Variants in RXFP1 observed in about 807,000 individuals in gnomAD.
RXFP1 encodes relaxin receptor 1.
In RXFP1, 73 loss-of-function variants were observed where a neutral mutation model predicts 89.8. That is an observed-to-expected ratio of 0.81 (90% CI 0.67 to 0.99). The LOEUF is 0.99. Ranked by LOEUF, RXFP1 falls within the 50% of genes least tolerant of loss-of-function variation. The pLI, the probability that RXFP1 is intolerant of heterozygous loss-of-function variation, is 0.00. For synonymous variants in RXFP1, 277 were observed against 305.5 expected (o/e 0.91, Z 0.97); for missense variants, 793 against 895.5 (o/e 0.89, Z 1.46).
chr4:158,649,178 G>A (rs1376948341), intron 17 of RXFP1, among the ~76,000 whole-genome samples: 1 of 152,080 alleles, frequency 6.6e-6, no homozygotes, highest in Non-Finnish European at 1.5e-5. Context: ...ACATTTACTG[G>A]GGAAGAACTG....
chr4:158,603,298 T>A (rs1762020557), intron 4 of RXFP1, among the ~76,000 whole-genome samples: 1 of 152,166 alleles, frequency 6.6e-6, no homozygotes, highest in Non-Finnish European at 1.5e-5. Context: ...AAACAGGATA[T>A]AAGCAGAATT....
chr4:158,596,210 T>C (rs1017765181), intron 3 of RXFP1, among the ~76,000 whole-genome samples: 2 of 151,922 alleles, frequency 1.3e-5, no homozygotes, highest in African/African-American at 4.8e-5. Context: ...TTAAGCCATG[T>C]TGTCTCAAAA....
intron 4 of RXFP1, 55 bp downstream of exon 4, chr4:158,599,486 T>A: frequency 7.4e-7 from 1 of 1,357,980 alleles, no homozygotes. Flanking sequence ...TGTAAAATTG[T>A]ATTATAATTA....
intron 10 of RXFP1, among the ~76,000 whole-genome samples, chr4:158,627,317 A>G (rs1234499991): frequency 1.3e-5 from 2 of 152,152 alleles, no homozygotes; most frequent in Non-Finnish European, 2.9e-5. Context: ...CAACTCTCCT[A>G]TTCACAGCTT....
intron 1 of RXFP1, among the ~76,000 whole-genome samples, chr4:158,565,054 G>A (rs1231593062): frequency 6.6e-6 from 1 of 152,166 alleles, no homozygotes; most frequent in Non-Finnish European, 1.5e-5. Flanking sequence ...GGGGTGAGAA[G>A]GGCATCCTTA....
At chr4:158,593,570 C>G in intron 3 of RXFP1, 71 bp downstream of exon 3, 1 of 780,056 alleles carries the variant, frequency 1.3e-6, no homozygotes, top group Non-Finnish European at 1.9e-6. Flanking sequence ...TTTGATTCAA[C>G]ATTTTAAAAA....
intron 12 of RXFP1, among the ~76,000 whole-genome samples, chr4:158,635,916 C>CT (rs1261842430): frequency 6.6e-6 from 1 of 151,970 alleles, no homozygotes; most frequent in Non-Finnish European, 1.5e-5. Flanking sequence ...TCATATTGGA[C>CT]TTCAAGGCTC....
At position 158,652,184 on chromosome 4, in the gene RXFP1, G is replaced by C; in HGVS notation, c.*129G>C. 1 of 745,064 alleles carries C rather than the reference G, an allele frequency of 1.3e-6. No individual in the cohort carries two copies. 46.2% of individuals were successfully genotyped at this position (745,064 alleles called of 1,614,324 possible). On this transcript the variant is annotated 3_prime_UTR_variant, in exon 18 of 18. Coordinates refer to ENST00000307765, the MANE Select transcript of RXFP1 (RefSeq NM_021634.4). The stretch of plus-strand genomic sequence containing the variant: ...TAAGATAAATATTTTACAAGGACAT[G>C]AGGAAAAATAAAAATGACTAATGCT...
intron 1 of RXFP1, among the ~76,000 whole-genome samples, chr4:158,526,539 G>T (rs888929775): frequency 6.6e-6 from 1 of 152,086 alleles, no homozygotes; most frequent in Admixed American, 6.6e-5. Flanking sequence ...TTTAGGTTTT[G>T]TTCTCTATCA....
At chr4:158,569,456 C>A (rs907100191) in intron 1 of RXFP1, among the ~76,000 whole-genome samples, 1 of 152,186 alleles carries the variant, frequency 6.6e-6, no homozygotes, top group Non-Finnish European at 1.5e-5. Flanking sequence ...AGTGTAGGTT[C>A]ATCAACTGCA....
At chr4:158,529,185 A>G (rs1395517498) in intron 1 of RXFP1, among the ~76,000 whole-genome samples, 1 of 151,638 alleles carries the variant, frequency 6.6e-6, no homozygotes, top group Non-Finnish European at 1.5e-5. Flanking sequence ...CATAAATCCC[A>G]CACTGGTCAT....
intron 3 of RXFP1, 124 bp from the exon 4 acceptor site, chr4:158,599,202 C>T (rs755540601): frequency 8.1e-6 from 12 of 1,481,032 alleles, no homozygotes; most frequent in African/African-American, 2.8e-5. Context: ...AAATTGCCTA[C>T]GTAGCACATG....
At chr4:158,528,078 A>C (rs1045937704) in intron 1 of RXFP1, among the ~76,000 whole-genome samples, 4 of 152,228 alleles carry the variant, frequency 2.6e-5, no homozygotes, top group African/African-American at 9.6e-5. Flanking sequence ...CCCTCTTCAC[A>C]TACCTACCTT....
chr4:158,624,030 T>G (rs1309791388), intron 9 of RXFP1, among the ~76,000 whole-genome samples: 1 of 152,162 alleles, frequency 6.6e-6, no homozygotes, highest in African/African-American at 2.4e-5. Flanking sequence ...ATTTATGCTA[T>G]TATAGATGGG....
rs1374987625 is a variant in RXFP1 at position 158,567,663 on chromosome 4, C to G, written c.50-5035C>G. Among the ~76,000 whole-genome samples the G allele has an allele frequency of 2.6e-5, 4 of 152,022 alleles. No individual in the cohort carries two copies. In the East Asian group the frequency reaches 7.7e-4, roughly 29 times the overall value. On this transcript the variant is annotated intron_variant, in intron 1 of 17. Coordinates refer to ENST00000307765, the MANE Select transcript of RXFP1 (RefSeq NM_021634.4). ...TCTAGCTCAGGGTTTGTAAATACAC[C>G]AATTGGTACTCTGTATCTAGCTAAT... is the stretch of plus-strand genomic sequence containing the variant.
Position 158,562,523 on chromosome 4 carries a change from C to CAAAAAAAAAAAA in RXFP1, c.50-10158_50-10147dup, listed in dbSNP as rs55944906. On this transcript the variant is annotated intron_variant, in intron 1 of 17. Transcript: ENST00000307765. ...TGGGCGACAGAGCGAGACTCCGTCTCAAAAAAAAAAAAAAAAAAAAAAAAA... is the reference window on the plus strand; with the variant it reads ...TGGGCGACAGAGCGAGACTCCGTCTCAAAAAAAAAAAAAAAAAAAAAAAAAAAAAAAAAAAAA... Among the ~76,000 whole-genome samples, 21 of 25,346 alleles carry CAAAAAAAAAAAA rather than the reference C, an allele frequency of 8.3e-4. No homozygotes were observed. In the South Asian group the frequency reaches 9.6e-3, roughly 12 times the overall value. 16.6% of individuals were successfully genotyped at this position (25,346 alleles called of 152,430 possible). A position where few individuals can be genotyped will look rare whatever the true frequency, so the allele number is the denominator to read the frequency against.
intron 5 of RXFP1, chr4:158,607,048 G>T: frequency 1.3e-6 from 2 of 1,534,620 alleles, no homozygotes; most frequent in Non-Finnish European, 1.7e-6. Flanking sequence ...AAACTTTCAG[G>T]ACACTCTAAA....
intron 12 of RXFP1, among the ~76,000 whole-genome samples, chr4:158,633,813 A>G (rs757397789): frequency 2.1e-4 from 32 of 152,182 alleles, no homozygotes; most frequent in Admixed American, 9.8e-4. Context: ...GGCCTATTCT[A>G]CTTAGCATAC....
chr4:158,577,100 G>A (rs758790440), intron 2 of RXFP1, among the ~76,000 whole-genome samples: 3 of 151,816 alleles, frequency 2.0e-5, no homozygotes, highest in Non-Finnish European at 4.4e-5. Flanking sequence ...GTGCAGTGGC[G>A]TGATCTCAGC....
Sources: gnomAD v4.1 joint callset for allele counts (sites outside exome capture counted in the v4.1 genomes callset) on GRCh38, gnomAD v4.1.1 for gene constraint, MANE v1.5 for transcripts, NCBI Gene and HGNC (gene_info 2026-07-23, HGNC 2026-07-21) for gene names.